The following CPHXL2 variants were observed in gnomAD, a reference collection of about 807,000 sequenced individuals.
CPHXL2 encodes cytoplasmic polyadenylated homeobox-like protein 2.
the CPHXL2 span, among the ~76,000 whole-genome samples, chr16:75,662,051 A>C: frequency 6.6e-6 from 1 of 152,130 alleles, no homozygotes; most frequent in Non-Finnish European, 1.5e-5. Context: ...GCCAGTTGCA[A>C]GTCTGGGCTT....
the CPHXL2 span, among the ~76,000 whole-genome samples, chr16:75,670,201 A>G: frequency 2.0e-5 from 3 of 152,228 alleles, no homozygotes; most frequent in Non-Finnish European, 4.4e-5. Context: ...GGGGTGAGCC[A>G]CCGCGCCGGC....
At chr16:75,664,930 T>TG in the CPHXL2 span, among the ~76,000 whole-genome samples, 5 of 152,222 alleles carry the variant, frequency 3.3e-5, no homozygotes, top group Admixed American at 3.3e-4. Flanking sequence ...CCTTTGACCT[T>TG]GGACTTCTCA....
the CPHXL2 span, chr16:75,660,260 A>G: frequency 2.5e-6 from 1 of 398,232 alleles, no homozygotes; most frequent in East Asian, 3.6e-5. Flanking sequence ...ATACTTAGCA[A>G]TACTTTGCAA....
the CPHXL2 span, among the ~76,000 whole-genome samples, chr16:75,661,649 C>A: frequency 6.6e-6 from 1 of 151,982 alleles, no homozygotes; most frequent in Admixed American, 6.6e-5. Context: ...TACAACCCTG[C>A]TACTTTACTC....
the CPHXL2 span, among the ~76,000 whole-genome samples, chr16:75,661,444 A>C: frequency 6.6e-6 from 1 of 152,128 alleles, no homozygotes; most frequent in Non-Finnish European, 1.5e-5. Flanking sequence ...GAGGTCATGC[A>C]TCATGCATTT....
the CPHXL2 span, among the ~76,000 whole-genome samples, chr16:75,663,690 T>A: frequency 1.3e-5 from 2 of 152,002 alleles, no homozygotes; most frequent in African/African-American, 4.8e-5. Flanking sequence ...GAGACCATAC[T>A]GGCTAACATG....
the CPHXL2 span, among the ~76,000 whole-genome samples, chr16:75,676,136 C>T: frequency 1.3e-5 from 2 of 152,090 alleles, no homozygotes; most frequent in Admixed American, 6.6e-5. Flanking sequence ...ACGTGACCTT[C>T]TCGCTCCATC....
At chr16:75,673,618 C>A in the CPHXL2 span, among the ~76,000 whole-genome samples, 2 of 152,086 alleles carry the variant, frequency 1.3e-5, no homozygotes, top group African/African-American at 4.8e-5. Context: ...ATACCAATTC[C>A]TATTAAAAGA....
the CPHXL2 span, among the ~76,000 whole-genome samples, chr16:75,669,832 G>A: frequency 1.1e-4 from 16 of 152,300 alleles, no homozygotes; most frequent in East Asian, 7.7e-4. Context: ...GTCTATGGCC[G>A]TTTTCAAGCC....
At chr16:75,667,005 T>C in the CPHXL2 span, among the ~76,000 whole-genome samples, 10 of 151,728 alleles carry the variant, frequency 6.6e-5, no homozygotes, top group Admixed American at 6.6e-5. Context: ...GAAATCAAGA[T>C]GGAAGTTAAA....
chr16:75,669,363 G>A, the CPHXL2 span: 17 of 400,058 alleles, frequency 4.2e-5, no homozygotes, highest in African/African-American at 2.3e-4. Flanking sequence ...TTGAACTTAC[G>A]TTTATCACGT....
chr16:75,667,506 T>C, the CPHXL2 span, among the ~76,000 whole-genome samples: 2 of 152,178 alleles, frequency 1.3e-5, no homozygotes, highest in Non-Finnish European at 2.9e-5. Flanking sequence ...TCTTTGCCAT[T>C]CTCTTATAAA....
the CPHXL2 span, among the ~76,000 whole-genome samples, chr16:75,663,435 C>T: frequency 6.6e-6 from 1 of 152,280 alleles, no homozygotes; most frequent in Middle Eastern, 3.4e-3. Flanking sequence ...GGCCCCCTAA[C>T]CATCTTAACG....
chr16:75,676,017 T>A, the CPHXL2 span, among the ~76,000 whole-genome samples: 6 of 151,784 alleles, frequency 4.0e-5, no homozygotes, highest in Non-Finnish European at 8.8e-5. Flanking sequence ...AGATGGAGGT[T>A]GCAGTGAGCC....
chr16:75,666,273 A>G, the CPHXL2 span, among the ~76,000 whole-genome samples: 8 of 152,306 alleles, frequency 5.3e-5, no homozygotes, highest in South Asian at 4.1e-4. Context: ...GAGTTCCCAA[A>G]TTTATAAAAC....
chr16:75,663,814 AG>A, the CPHXL2 span, among the ~76,000 whole-genome samples: 3 of 143,654 alleles, frequency 2.1e-5, no homozygotes, highest in East Asian at 2.3e-4. Context: ...TGAACCTGGG[AG>A]GCGGAGCTTA....
the CPHXL2 span, among the ~76,000 whole-genome samples, chr16:75,674,158 G>A: frequency 6.6e-6 from 1 of 151,738 alleles, no homozygotes; most frequent in Non-Finnish European, 1.5e-5. Flanking sequence ...TGGATCAAGA[G>A]GTCAGGAGAT....
At chr16:75,665,290 C>G in the CPHXL2 span, among the ~76,000 whole-genome samples, 7 of 152,176 alleles carry the variant, frequency 4.6e-5, no homozygotes, top group Non-Finnish European at 7.3e-5. Context: ...AGATTTCTCA[C>G]CAGAAACTCT....
At chr16:75,668,224 CAT>C in the CPHXL2 span, among the ~76,000 whole-genome samples, 2,057 of 105,362 alleles carry the variant, frequency 0.02, 51 homozygotes, top group African/African-American at 0.09. Flanking sequence ...TATATATATA[CAT>C]ATATATTTTT....
Sources: allele counts gnomAD v4.1 joint callset (sites outside exome capture counted in the v4.1 genomes callset), GRCh38; gene constraint gnomAD v4.1.1; transcripts MANE v1.5; gene names NCBI Gene and HGNC (gene_info 2026-07-23, HGNC 2026-07-21).